The following MUC5B variants were observed in gnomAD, a reference collection of about 807,000 sequenced individuals.
MUC5B encodes mucin-5B.
In MUC5B, 116 loss-of-function variants were observed where a neutral mutation model predicts 376.9. The ratio of observed to expected loss-of-function variants is 0.31; its 90% CI spans 0.26 to 0.36. MUC5B has a LOEUF of 0.36. MUC5B is among the 10% of genes least tolerant of loss of function. The pLI is 1.00. For missense variants in MUC5B, 7,165 were observed against 7,769.9 expected (o/e 0.92, Z 2.93); for synonymous variants, 3,517 against 3,390.9 (o/e 1.04, Z -1.29).
Position 1,253,542 on chromosome 11 carries a change from C to T in MUC5B, c.15218-550C>T, listed in dbSNP as rs1862757628. ...GGCCCAGGGCTGCTGTTCCAAACCG[C>T]CACAAGCTGGGGAGCTTATACAACA... On this transcript the variant is annotated intron_variant, in intron 33 of 48. Transcript: ENST00000529681. The surrounding 1 kb of genome is among the most constrained non-coding windows in gnomAD (Gnocchi z 4.3). Among the ~76,000 whole-genome samples the T allele has an allele frequency of 6.6e-6, 1 of 152,164 alleles. No homozygotes were observed. The highest frequency in any genetic ancestry group is 2.4e-5 in the African/African-American group (1 of 41,430).
rs376046120 is a variant in MUC5B at position 1,244,766 on chromosome 11, C to G, written c.7886C>G (p.Thr2629Arg). The G allele has an allele frequency of 1.2e-5, 19 of 1,612,496 alleles. No individual in the cohort carries two copies. In the African/African-American group the frequency reaches 2.3e-4, roughly 19 times the overall value. The change falls in exon 31 of 49, where the codon ACG (threonine) becomes AGG (arginine). Residue 2629 changes from threonine (T) to arginine (R), a missense_variant. Transcript: ENST00000529681. ...TPSSSPGTAR[T>R]LPVWISTTTT... ...TCCTCCAGCCCAGGGACGGCACGCA[C>G]GCTTCCAGTGTGGATCAGCACAACC... is the stretch of plus-strand genomic sequence containing the variant.
chr11:1,258,632 G>A lies in MUC5B; in HGVS notation c.16593+265G>A, dbSNP rs1862910262. ...GCCTGGGGGCAGCACACACTGGCCT[G>A]GGGTCCCCGCCTGCCCGCCCAGATT... On this transcript the variant is annotated intron_variant, in intron 43 of 48. Coordinates refer to ENST00000529681, the MANE Select transcript of MUC5B (RefSeq NM_002458.3). The surrounding 1 kb of genome is among the most constrained non-coding windows in gnomAD (Gnocchi z 5.5). Among the ~76,000 whole-genome samples, 1 of 152,094 alleles carries A rather than the reference G, an allele frequency of 6.6e-6. No homozygotes were observed. Among genetic ancestry groups the A allele is most frequent in the African/African-American group, 2.4e-5 (1 of 41,398 alleles).
Position 1,229,717 on chromosome 11 carries a change from C to T in MUC5B, c.1130C>T (p.Ser377Phe). ...PGTVLDDITH[S>F]GCLPLGQCPC... ...ACGGTGCTGGATGACATCACGCACT[C>T]TGGCTGCCTGCCCCTCGGGCAGTGC... The change falls in exon 10 of 49, where the codon TCT (serine) becomes TTT (phenylalanine). Residue 377 changes from serine (S) to phenylalanine (F), a missense_variant. Around this residue, in one of 31 missense-constraint regions of MUC5B, gnomAD observed 640 missense variants for 733.0 expected, o/e 0.87. Coordinates refer to ENST00000529681, the MANE Select transcript of MUC5B (RefSeq NM_002458.3). 1 of 1,590,058 alleles carries T rather than the reference C, an allele frequency of 6.3e-7. No homozygotes were observed. Among genetic ancestry groups the T allele is most frequent in the Non-Finnish European group, 8.5e-7 (1 of 1,171,812 alleles).
rs1489452529 is a variant in MUC5B at position 1,257,804 on chromosome 11, G to A, written c.16450+94G>A. ...CCTGTGGGTTGGGCACAGGAGAGCA[G>A]AGGAGAGCCACTGTGTCCTGGCGTG... On this transcript the variant is annotated intron_variant, in intron 41 of 48. Transcript: ENST00000529681. This position sits in a 1 kb window ranked among gnomAD's most constrained non-coding sequence, Gnocchi z 8.9. The A allele has an allele frequency of 2.8e-6, 4 of 1,408,892 alleles. No homozygotes were observed. In the East Asian group the frequency reaches 1.0e-4, roughly 35 times the overall value. 87.3% of individuals were successfully genotyped at this position (1,408,892 alleles called of 1,614,324 possible). A position where few individuals can be genotyped will look rare whatever the true frequency, so the allele number is the denominator to read the frequency against.
rs1047036343 is a variant in MUC5B at position 1,253,160 on chromosome 11, G to A, written c.15217+180G>A. On this transcript the variant is annotated intron_variant, in intron 33 of 48. Coordinates refer to ENST00000529681, the MANE Select transcript of MUC5B (RefSeq NM_002458.3). The surrounding 1 kb of genome is among the most constrained non-coding windows in gnomAD (Gnocchi z 4.3). Reference sequence around the variant, plus strand: ...GTGGGGCATGGTGGGGTGTGGTGGTGGTGTTTGGGAGATCGCTGGCATCCC... The same window carrying A: ...GTGGGGCATGGTGGGGTGTGGTGGTAGTGTTTGGGAGATCGCTGGCATCCC... 2 of 748,498 alleles carry A rather than the reference G, an allele frequency of 2.7e-6. No individual in the cohort carries two copies. The highest frequency in any genetic ancestry group is 3.4e-5 in the African/African-American group (2 of 58,002). 46.4% of individuals were successfully genotyped at this position (748,498 alleles called of 1,614,324 possible). A position where few individuals can be genotyped will look rare whatever the true frequency, so the allele number is the denominator to read the frequency against.
At position 1,234,357 on chromosome 11, in the gene MUC5B, C is replaced by T; in HGVS notation, c.2478+52C>T. ...GGGCAGGGAAGGGGTCCCAGCTTTC[C>T]CAGCTCCCGAGCCCAGGGATCTGGT... is the stretch of plus-strand genomic sequence containing the variant. On this transcript the variant is annotated intron_variant, in intron 20 of 48. Transcript: ENST00000529681. This position sits in a 1 kb window ranked among gnomAD's most constrained non-coding sequence, Gnocchi z 6.3. 1 of 1,535,052 alleles carries T rather than the reference C, an allele frequency of 6.5e-7. No individual in the cohort carries two copies. Among genetic ancestry groups the T allele is most frequent in the Admixed American group, 1.9e-5 (1 of 52,226 alleles).
intron 25 of MUC5B, among the ~76,000 whole-genome samples, chr11:1,238,233 C>T (rs1862197564): frequency 6.6e-6 from 1 of 152,244 alleles, no homozygotes; most frequent in Non-Finnish European, 1.5e-5. Flanking sequence ...GTGACCACTC[C>T]TTCCTTAGTG....
In MUC5B at chr11:1,254,486, G is replaced by T. The variant is rs1020648243; in HGVS notation, c.15477+135G>T. 18 of 1,358,132 alleles carry T rather than the reference G, an allele frequency of 1.3e-5. No individual in the cohort carries two copies. In the South Asian group the frequency reaches 1.9e-4, roughly 15 times the overall value. The allele number at this position is 1,358,132 out of a possible 1,614,324, so 84.1% of individuals were successfully genotyped here. A position where few individuals can be genotyped will look rare whatever the true frequency, so the allele number is the denominator to read the frequency against. ...AGACAGCTCCCAGGGGGCAGGGAAG[G>T]CCTGTGGAGCCGCCTAAGGCCGAGC... On this transcript the variant is annotated intron_variant, in intron 34 of 48. Coordinates refer to ENST00000529681, the MANE Select transcript of MUC5B (RefSeq NM_002458.3).
At position 1,227,708 on chromosome 11, in the gene MUC5B, T is replaced by G; in HGVS notation, c.701T>G (p.Leu234Arg). 1 of 723,934 alleles carries G rather than the reference T, an allele frequency of 1.4e-6. No individual in the cohort carries two copies. Among genetic ancestry groups the G allele is most frequent in the Admixed American group, 2.0e-5 (1 of 50,848 alleles). The allele number at this position is 723,934 out of a possible 1,614,324, so 44.8% of individuals were successfully genotyped here. A position where few individuals can be genotyped will look rare whatever the true frequency, so the allele number is the denominator to read the frequency against. ...ARLTPLQFGN[L>R]QKLDGPTEQC... ...CTGACCCCGCTCCAGTTTGGGAACCTGCAGAAGTTGGATGGGCCCACGGAG... is the reference window on the plus strand; with the variant it reads ...CTGACCCCGCTCCAGTTTGGGAACCGGCAGAAGTTGGATGGGCCCACGGAG... Residue 234 changes from leucine to arginine, a missense_variant, in exon 7 of 49, where the codon CTG becomes CGG. Physicochemically the swap from Leu to Arg is moderately radical, Grantham distance 102 (BLOSUM62 -2). This residue lies in a region of MUC5B where 640 missense variants were observed against 733.0 expected (regional missense o/e 0.87). Coordinates refer to ENST00000529681, the MANE Select transcript of MUC5B (RefSeq NM_002458.3).
intron 29 of MUC5B, 32 bp downstream of exon 29, chr11:1,240,120 T>C: frequency 3.8e-6 from 6 of 1,563,990 alleles, no homozygotes; most frequent in Non-Finnish European, 4.3e-6. Flanking sequence ...AGTGGGCCGG[T>C]GAAGGCTGGG....
chr11:1,250,259 C>T lies in MUC5B; in HGVS notation c.13379C>T (p.Thr4460Met), dbSNP rs200985531. The change falls in exon 31 of 49, where the codon ACG becomes ATG. Residue 4460 changes from threonine (T) to methionine (M), a missense_variant. By Grantham distance (81) the Thr-to-Met change is moderately conservative (BLOSUM62 -1). Coordinates refer to ENST00000529681, the MANE Select transcript of MUC5B (RefSeq NM_002458.3). ...GAGCCGAGCACTACAGCCACCGTGA[C>T]GGTGCCCACCGGATCCACGGCCACC... ...LTEPSTTATV[T>M]VPTGSTATAS... is the part of the protein sequence containing the mutation. 2,310 of 1,606,192 alleles carry T rather than the reference C, an allele frequency of 1.4e-3. 16 individuals carry two copies. The highest frequency in any genetic ancestry group is 0.013 in the African/African-American group (954 of 74,044).
chr11:1,235,195 A>G lies in MUC5B; in HGVS notation c.2741A>G (p.Glu914Gly), dbSNP rs1000174488. 1.2e-6 allele frequency: 2 copies of G among 1,612,988 alleles called. No homozygotes were observed. The highest frequency in any genetic ancestry group is 1.7e-6 in the Non-Finnish European group (2 of 1,179,640). Residue 914 changes from glutamate (E) to glycine (G), a missense_variant, in exon 22 of 49, where the codon GAA becomes GGA. Physicochemically the swap from Glu to Gly is moderately conservative, Grantham distance 98 (BLOSUM62 -2). Coordinates refer to ENST00000529681, the MANE Select transcript of MUC5B (RefSeq NM_002458.3). ...ITFDGDRYSFEGSCEYILAQD... is the reference protein window; with the variant it reads ...ITFDGDRYSFGGSCEYILAQD... ...TTTGATGGCGATCGCTACAGCTTTG[A>G]AGGCAGCTGCGAGTACATCTTGGCC...
chr11:1,237,979 G>A (rs943731555), intron 25 of MUC5B, among the ~76,000 whole-genome samples: 3 of 152,230 alleles, frequency 2.0e-5, no homozygotes, highest in Admixed American at 6.5e-5. Context: ...TGAGGGGCTG[G>A]CGTAGGGGCA....
Position 1,242,130 on chromosome 11 carries a change from G to A in MUC5B, c.5250G>A (p.Thr1750=), listed in dbSNP as rs375384426. 172 of 1,613,350 alleles carry A rather than the reference G, an allele frequency of 1.1e-4. No homozygotes were observed. The highest frequency in any genetic ancestry group is 1.4e-4 in the Non-Finnish European group (162 of 1,179,866). The part of the protein sequence containing the change: ...PLTTSLAPTL[T]SELSTSQAET... ...CCACGAGCCTGGCGCCAACACTCAC[G>A]AGCGAGCTGTCCACCTCTCAGGCCG... Residue 1750 remains threonine, a synonymous_variant, in exon 31 of 49, where the codon ACG becomes ACA. Transcript: ENST00000529681.
chr11:1,234,461 C>T lies in MUC5B; in HGVS notation c.2479-68C>T, dbSNP rs1427536332. On this transcript the variant is annotated intron_variant, in intron 20 of 48. Coordinates refer to ENST00000529681, the MANE Select transcript of MUC5B (RefSeq NM_002458.3). This position sits in a 1 kb window ranked among gnomAD's most constrained non-coding sequence, Gnocchi z 6.3. The stretch of plus-strand genomic sequence containing the variant: ...CTGGGTGCTGCTGGGTGCGCCTGTC[C>T]CAGAGGGTGAGTGACATCTGCCCAC... 1.3e-6 allele frequency: 2 copies of T among 1,538,244 alleles called. No individual in the cohort carries two copies. The highest frequency in any genetic ancestry group is 2.5e-5 in the East Asian group (1 of 40,816).
Position 1,247,726 on chromosome 11 carries a change from G to C in MUC5B, c.10846G>C (p.Glu3616Gln). ...GAVCEQPLGL[E>Q]CRAQAQPGVP... ...AGTCTGTGAGCAGCCCCTGGGCCTC[G>C]AGTGCCGTGCCCAGGCCCAGCCTGG... is the stretch of plus-strand genomic sequence containing the variant. The change falls in exon 31 of 49, where the codon GAG becomes CAG. Residue 3616 changes from glutamate (E) to glutamine (Q), a missense_variant. By Grantham distance (29) the Glu-to-Gln change is conservative. This residue lies in a region of MUC5B where 81 missense variants were observed against 154.5 expected (regional missense o/e 0.52). Transcript: ENST00000529681. 1.2e-6 allele frequency: 2 copies of C among 1,603,436 alleles called. No individual in the cohort carries two copies. The highest frequency in any genetic ancestry group is 2.3e-5 in the East Asian group (1 of 44,386).
chr11:1,229,892 G>A, intron 10 of MUC5B, 85 bp downstream of exon 10: 2 of 1,544,726 alleles, frequency 1.3e-6, no homozygotes, highest in South Asian at 1.2e-5. Context: ...GCCTGGGGTG[G>A]GGGTGTGGAG....
chr11:1,229,588 G>A lies in MUC5B; in HGVS notation c.1103-102G>A. The stretch of plus-strand genomic sequence containing the variant: ...GGGCGGGGGCGGTGTCCTGGAGCAG[G>A]AATTCCTCCCCAAGGGAGGCAGCTT... On this transcript the variant is annotated intron_variant, in intron 9 of 48. Coordinates refer to ENST00000529681, the MANE Select transcript of MUC5B (RefSeq NM_002458.3). The A allele has an allele frequency of 2.8e-6, 3 of 1,074,322 alleles. No individual in the cohort carries two copies. In the South Asian group the frequency reaches 4.4e-5, roughly 16 times the overall value. 66.5% of individuals were successfully genotyped at this position (1,074,322 alleles called of 1,614,324 possible). A position where few individuals can be genotyped will look rare whatever the true frequency, so the allele number is the denominator to read the frequency against.
At position 1,249,267 on chromosome 11, in the gene MUC5B, G is replaced by A. The variant is rs1289233716; in HGVS notation, c.12387G>A (p.Glu4129=). The A allele has an allele frequency of 8.7e-6, 14 of 1,611,402 alleles. No individual in the cohort carries two copies. Among genetic ancestry groups the A allele is most frequent in the East Asian group, 2.2e-5 (1 of 44,880 alleles). The change falls in exon 31 of 49, where the codon GAG becomes GAA. Residue 4129 remains glutamate, a synonymous_variant. Coordinates refer to ENST00000529681, the MANE Select transcript of MUC5B (RefSeq NM_002458.3). The part of the protein sequence containing the change: ...PITTVVTTGC[E]PQCAWSEWLD... ...CCACGGTGGTGACCACGGGCTGTGAGCCCCAGTGTGCCTGGTCAGAGTGGC... is the reference window on the plus strand; with the variant it reads ...CCACGGTGGTGACCACGGGCTGTGAACCCCAGTGTGCCTGGTCAGAGTGGC...
Sources: allele counts gnomAD v4.1 joint callset (sites outside exome capture counted in the v4.1 genomes callset), GRCh38; gene constraint gnomAD v4.1.1; regional missense constraint gnomAD v4.1.1; non-coding constraint Gnocchi (gnomAD v3.1); transcripts MANE v1.5; gene names NCBI Gene and HGNC (gene_info 2026-07-23, HGNC 2026-07-21).